WNT5A: variants seen among roughly 807,000 people sequenced by gnomAD.
The protein encoded by WNT5A is protein Wnt-5a.
In WNT5A, 9 loss-of-function variants were observed where a neutral mutation model predicts 42.1. The observed-to-expected ratio is 0.21, with a 90% CI of 0.13 to 0.37. The LOEUF (loss-of-function observed/expected upper bound fraction) is 0.37. Ranked by LOEUF, WNT5A falls within the 10% of genes least tolerant of loss-of-function variation. WNT5A has a pLI of 1.00. For synonymous variants in WNT5A, 210 were observed against 210.0 expected, an observed-to-expected ratio of 1.00 and a Z score of 0.00; for missense variants, 426 against 534.0, an observed-to-expected ratio of 0.80 and a Z score of 1.99.
In WNT5A at chr3:55,469,811, T is replaced by A; in HGVS notation, c.*281A>T. 1 of 343,724 alleles carries A rather than the reference T, an allele frequency of 2.9e-6. No individual in the cohort carries two copies. The highest frequency in any genetic ancestry group is 4.0e-5 in the South Asian group (1 of 25,198). 21.3% of individuals were successfully genotyped at this position (343,724 alleles called of 1,614,324 possible). ...CAGCTAAGTTAGGGTATGTGTTATT[T>A]CCCCTTCATTCTATACTATCAAAAG... is the stretch of plus-strand genomic sequence containing the variant. On this transcript the variant is annotated 3_prime_UTR_variant, in exon 5 of 5. Transcript: ENST00000264634.
chr3:55,494,084 G>T (rs1401327704), upstream of WNT5A: 1 of 152,188 alleles, frequency 6.6e-6, no homozygotes, highest in Non-Finnish European at 1.5e-5. Context: ...AGATTAACCG[G>T]TTCTGGGGAA....
the WNT5A span, among the ~76,000 whole-genome samples, chr3:55,502,150 T>A: frequency 6.6e-6 from 1 of 152,240 alleles, no homozygotes; most frequent in East Asian, 1.9e-4. Context: ...TCTTCTCCCA[T>A]GACTTCATAA....
At chr3:55,474,977 GC>G (rs1183616924) in intron 3 of WNT5A, among the ~76,000 whole-genome samples, 1 of 151,696 alleles carries the variant, frequency 6.6e-6, no homozygotes, top group African/African-American at 2.4e-5. Flanking sequence ...AGCTCGGGCT[GC>G]CCCATCCTTA....
upstream of WNT5A, chr3:55,490,502 CACA>C (rs2051647010): frequency 6.6e-6 from 1 of 152,456 alleles, no homozygotes; most frequent in Non-Finnish European, 1.5e-5. Flanking sequence ...CCCTCTTACA[CACA>C]ACAACAGCAA....
chr3:55,500,274 G>A, the WNT5A span, among the ~76,000 whole-genome samples: 1 of 152,160 alleles, frequency 6.6e-6, no homozygotes, highest in African/African-American at 2.4e-5. Flanking sequence ...AATATACTAT[G>A]GGAATTTGCA....
chr3:55,479,462 T>C lies in WNT5A; in HGVS notation c.243A>G (p.Lys81=). The C allele has an allele frequency of 6.2e-7, 1 of 1,614,032 alleles. No individual in the cohort carries two copies. The highest frequency in any genetic ancestry group is 8.5e-7 in the Non-Finnish European group (1 of 1,179,892). ...TGTGGTCCTGATACAAGTGGCACAG[T>C]TTCTTCTGTCCTTGAGAAAGTCCTG... ...QLAGLSQGQK[K]LCHLYQDHMQ... The change falls in exon 3 of 5, where the codon AAA becomes AAG. Residue 81 remains lysine (K), a synonymous_variant. Coordinates refer to ENST00000264634, the MANE Select transcript of WNT5A (RefSeq NM_003392.7).
chr3:55,486,352 CGGGGTGCGCGCTGGCCCCCCGCCAG>C (rs2107003039), intron 1 of WNT5A, among the ~76,000 whole-genome samples: 1 of 152,264 alleles, frequency 6.6e-6, no homozygotes, highest in South Asian at 2.1e-4. Context: ...CTCCCCGCGC[CGGGGTGCGCGCTGGCCCCCCGCCAG>C]GCACTCTTAA....
At position 55,469,584 on chromosome 3, in the gene WNT5A, AG is replaced by A. The variant is rs1354435217; in HGVS notation, c.*507del. 1 of 152,640 alleles carries A rather than the reference AG, an allele frequency of 6.6e-6. No homozygotes were observed. The highest frequency in any genetic ancestry group is 1.9e-4 in the East Asian group (1 of 5,202). The allele number at this position is 152,640 out of a possible 1,614,324, so 9.5% of individuals were successfully genotyped here. On this transcript the variant is annotated 3_prime_UTR_variant, in exon 5 of 5. Coordinates refer to ENST00000264634, the MANE Select transcript of WNT5A (RefSeq NM_003392.7). ...AGCTAGCAGCCCTGCTGGGGAAGGG[AG>A]GTTTGTTTTGTTTTGTTTTGTTTTC...
upstream of WNT5A, among the ~76,000 whole-genome samples, chr3:55,492,088 C>A (rs1386743765): frequency 6.6e-6 from 1 of 152,174 alleles, no homozygotes; most frequent in Non-Finnish European, 1.5e-5. Flanking sequence ...CTCACTATGC[C>A]CTCCTAACTT....
At chr3:55,484,833 T>C (rs1222692009) in intron 1 of WNT5A, among the ~76,000 whole-genome samples, 1 of 152,062 alleles carries the variant, frequency 6.6e-6, no homozygotes, top group Non-Finnish European at 1.5e-5. Flanking sequence ...GAAAATGAAA[T>C]GATAGTCCAA....
chr3:55,486,891 G>A, intron 1 of WNT5A, 89 bp downstream of exon 1: 1 of 911,118 alleles, frequency 1.1e-6, no homozygotes, highest in Non-Finnish European at 1.8e-6. Flanking sequence ...GAAATGGAGG[G>A]ATAGGAAGAG....
the WNT5A span, among the ~76,000 whole-genome samples, chr3:55,499,256 C>A: frequency 6.6e-6 from 1 of 152,128 alleles, no homozygotes; most frequent in African/African-American, 2.4e-5. Context: ...GAAGAAACCA[C>A]GGGAAGTGAA....
Position 55,487,009 on chromosome 3 carries a change from A to C in WNT5A, c.-24T>G. 6.2e-7 allele frequency: 1 copy of C among 1,610,322 alleles called. No homozygotes were observed. The highest frequency in any genetic ancestry group is 8.5e-7 in the Non-Finnish European group (1 of 1,178,434). On this transcript the variant is annotated 5_prime_UTR_variant, in exon 1 of 5. Coordinates refer to ENST00000264634, the MANE Select transcript of WNT5A (RefSeq NM_003392.7). ...ATGGCGAGGGGGAGGGGGCGCGGGG[A>C]GGAAGTCGCCACCCGAGCGAGCGCA... is the stretch of plus-strand genomic sequence containing the variant.
In WNT5A at chr3:55,480,750, A is replaced by G. The variant is rs760493468; in HGVS notation, c.140+35T>C. 7 of 1,492,092 alleles carry G rather than the reference A, an allele frequency of 4.7e-6. No homozygotes were observed. In the South Asian group the frequency reaches 9.6e-5, roughly 20 times the overall value. The allele number at this position is 1,492,092 out of a possible 1,614,324, so 92.4% of individuals were successfully genotyped here. On this transcript the variant is annotated intron_variant, in intron 2 of 4. Coordinates refer to ENST00000264634, the MANE Select transcript of WNT5A (RefSeq NM_003392.7). ...ACAAACAAATCTTAAAAAAAGAAAA[A>G]GAAGAGGAAGAACACGCACATAGAA... is the stretch of plus-strand genomic sequence containing the variant.
chr3:55,497,891 A>G, the WNT5A span, among the ~76,000 whole-genome samples: 78 of 152,330 alleles, frequency 5.1e-4, no homozygotes, highest in East Asian at 0.013. Context: ...TTAGGAAGAA[A>G]GAAAGGTGCC....
intron 3 of WNT5A, among the ~76,000 whole-genome samples, chr3:55,475,867 T>C (rs945146211): frequency 2.6e-5 from 4 of 151,948 alleles, no homozygotes; most frequent in Non-Finnish European, 5.9e-5. Context: ...AAGAGCTAGT[T>C]AATAAAAGTA....
At chr3:55,471,579 T>C (rs558344814) in intron 4 of WNT5A, among the ~76,000 whole-genome samples, 1 of 152,230 alleles carries the variant, frequency 6.6e-6, no homozygotes, top group Non-Finnish European at 1.5e-5. Context: ...CTGGTCTTTC[T>C]TTAGGGTAAC....
chr3:55,485,975 A>G (rs1273543441), intron 1 of WNT5A, among the ~76,000 whole-genome samples: 2 of 152,256 alleles, frequency 1.3e-5, no homozygotes, highest in Non-Finnish European at 2.9e-5. Context: ...AAATGGAAAT[A>G]GGAATCGAAG....
intron 1 of WNT5A, among the ~76,000 whole-genome samples, chr3:55,485,279 C>T (rs560613175): frequency 1.3e-5 from 2 of 151,798 alleles, no homozygotes; most frequent in South Asian, 4.2e-4. Context: ...GCAGCCGGCA[C>T]CGCACCGCGG....
Sources: allele counts gnomAD v4.1 joint callset (sites outside exome capture counted in the v4.1 genomes callset), GRCh38; gene constraint gnomAD v4.1.1; transcripts MANE v1.5; gene names NCBI Gene and HGNC (gene_info 2026-07-23, HGNC 2026-07-21).